MAPK10: variants seen among roughly 807,000 people sequenced by gnomAD.
MAPK10 encodes JNK3 alpha protein kinase.
Under a neutral mutation model 59.3 loss-of-function variants are expected in MAPK10, and 25 were observed. That is an observed-to-expected ratio of 0.42 (90% CI 0.31 to 0.59). MAPK10 has a LOEUF of 0.59. Ranked by LOEUF, MAPK10 falls within the 20% of genes least tolerant of loss-of-function variation. The pLI is 0.15. For missense variants in MAPK10, 351 were observed against 568.9 expected (o/e 0.62, Z 3.90); for synonymous variants, 190 against 200.5 (o/e 0.95, Z 0.44).
intron 1 of MAPK10, among the ~76,000 whole-genome samples, chr4:86,421,245 C>T (rs1746505399): frequency 6.6e-6 from 1 of 152,094 alleles, no homozygotes; most frequent in East Asian, 1.9e-4. Flanking sequence ...TTTCTTGGTA[C>T]ACTGACTGAC....
intron 1 of MAPK10, among the ~76,000 whole-genome samples, chr4:86,378,172 A>C (rs1323182737): frequency 6.6e-6 from 1 of 152,198 alleles, no homozygotes; most frequent in Non-Finnish European, 1.5e-5. Flanking sequence ...ATGGCTGACA[A>C]CACACTGGGA....
chr4:86,537,086 G>A (rs1315185962), intron 1 of MAPK10, among the ~76,000 whole-genome samples: 1 of 152,216 alleles, frequency 6.6e-6, no homozygotes, highest in Non-Finnish European at 1.5e-5. Flanking sequence ...GTAGGATGAA[G>A]AGGGAATACA....
intron 2 of MAPK10, among the ~76,000 whole-genome samples, chr4:86,219,546 AAAT>A (rs1347262153): frequency 6.6e-6 from 1 of 152,172 alleles, no homozygotes; most frequent in Admixed American, 6.5e-5. Context: ...GGATATTTTA[AAAT>A]AATACTTCTT....
rs183334019 is a variant in MAPK10 at position 86,322,596 on chromosome 4, G to C, written c.-7+31934C>G. On this transcript the variant is annotated intron_variant, in intron 2 of 13. Coordinates refer to ENST00000641462, the MANE Select transcript of MAPK10 (RefSeq NM_138982.4). ...TGGCCAAATTCAATTTCAATTCCAC[G>C]TTTGTTTGTATGACTAAGTGCCCAG... Among the ~76,000 whole-genome samples the C allele has an allele frequency of 3.7e-4, 56 of 152,292 alleles. 1 individual carries two copies. Among genetic ancestry groups the C allele is most frequent in the African/African-American group, 1.3e-3 (55 of 41,570 alleles).
Position 86,012,874 on chromosome 4 carries a change from C to T in MAPK10, c.*4354G>A, listed in dbSNP as rs1402768812. ...TATGCATGTGTGTGTGCTTTAAGTC[C>T]ATTTTATAAACACTGACACAAGACA... On this transcript the variant is annotated 3_prime_UTR_variant, in exon 14 of 14. Transcript: ENST00000641462. 1 of 152,110 alleles carries T rather than the reference C, an allele frequency of 6.6e-6. No individual in the cohort carries two copies. Among genetic ancestry groups the T allele is most frequent in the Non-Finnish European group, 1.5e-5 (1 of 68,026 alleles). The allele number at this position is 152,110 out of a possible 1,614,324, so 9.4% of individuals were successfully genotyped here. A position where few individuals can be genotyped will look rare whatever the true frequency, so the allele number is the denominator to read the frequency against.
intron 2 of MAPK10, among the ~76,000 whole-genome samples, chr4:86,293,043 A>G: frequency 6.6e-6 from 1 of 152,216 alleles, no homozygotes. Context: ...CACATCTACA[A>G]ATACAACTAT....
chr4:86,541,932 C>A (rs1411787561), intron 1 of MAPK10, among the ~76,000 whole-genome samples: 1 of 144,668 alleles, frequency 6.9e-6, no homozygotes, highest in African/African-American at 2.6e-5. Context: ...TTTGTAAATG[C>A]ACATGAATAC....
At chr4:86,558,998 T>C (rs1048498703) in intron 1 of MAPK10, among the ~76,000 whole-genome samples, 2 of 152,270 alleles carry the variant, frequency 1.3e-5, no homozygotes, top group South Asian at 2.1e-4. Context: ...CTTGTGTTCT[T>C]TGTGAACTGA....
At chr4:86,184,735 C>T (rs1262874682) in intron 3 of MAPK10, among the ~76,000 whole-genome samples, 1 of 151,822 alleles carries the variant, frequency 6.6e-6, no homozygotes, top group Non-Finnish European at 1.5e-5. Flanking sequence ...GATGCCTGCT[C>T]CTCCCTTGCT....
At chr4:86,558,934 G>T (rs753617908) in intron 1 of MAPK10, among the ~76,000 whole-genome samples, 59 of 151,932 alleles carry the variant, frequency 3.9e-4, no homozygotes, top group Non-Finnish European at 7.2e-4. Flanking sequence ...AAATCTTGAT[G>T]GTAATATTAT....
intron 1 of MAPK10, among the ~76,000 whole-genome samples, chr4:86,551,596 GTCTCTCTT>G (rs1343731866): frequency 7.8e-6 from 1 of 128,582 alleles, no homozygotes; most frequent in Non-Finnish European, 1.7e-5. Flanking sequence ...CTCTCTCTCT[GTCTCTCTT>G]TCTCTCTTTC....
At chr4:86,088,138 T>C (rs2052327136) in intron 9 of MAPK10, among the ~76,000 whole-genome samples, 1 of 152,124 alleles carries the variant, frequency 6.6e-6, no homozygotes. Flanking sequence ...ACACTATTCA[T>C]ATCTATTTAA....
At chr4:86,558,166 A>T (rs1760409680) in intron 1 of MAPK10, among the ~76,000 whole-genome samples, 4 of 152,182 alleles carry the variant, frequency 2.6e-5, no homozygotes, top group Non-Finnish European at 4.4e-5. Flanking sequence ...CTCTTCTATT[A>T]GCCCAGGCTG....
intron 9 of MAPK10, among the ~76,000 whole-genome samples, chr4:86,085,742 G>A (rs941194752): frequency 6.6e-6 from 1 of 152,104 alleles, no homozygotes; most frequent in Admixed American, 6.6e-5. Context: ...CCACTGCTGG[G>A]TATATAAACA....
intron 1 of MAPK10, among the ~76,000 whole-genome samples, chr4:86,492,186 G>C (rs1754506154): frequency 6.6e-6 from 1 of 152,086 alleles, no homozygotes; most frequent in African/African-American, 2.4e-5. Context: ...TCAGATTCAA[G>C]GTGCAATGCT....
chr4:86,181,239 A>C (rs1196398918), intron 3 of MAPK10, among the ~76,000 whole-genome samples: 2 of 152,122 alleles, frequency 1.3e-5, no homozygotes, highest in African/African-American at 4.8e-5. Flanking sequence ...GGTAAAATCA[A>C]TAATCAATCA....
intron 1 of MAPK10, among the ~76,000 whole-genome samples, chr4:86,365,523 G>A (rs1265849986): frequency 7.1e-6 from 1 of 140,190 alleles, no homozygotes; most frequent in Non-Finnish European, 1.5e-5. Flanking sequence ...TATCTCCCCT[G>A]AAAGTTCCTT....
At chr4:86,136,109 C>T (rs2062015635) in intron 4 of MAPK10, among the ~76,000 whole-genome samples, 3 of 152,306 alleles carry the variant, frequency 2.0e-5, no homozygotes, top group Non-Finnish European at 1.5e-5. Flanking sequence ...GGAAAACACT[C>T]TGCAGGATAT....
At chr4:86,370,199 T>C (rs947258844) in intron 1 of MAPK10, among the ~76,000 whole-genome samples, 1 of 152,184 alleles carries the variant, frequency 6.6e-6, no homozygotes, top group African/African-American at 2.4e-5. Context: ...TTTGGAGGTG[T>C]TGAAGCAGCA....
Sources: allele counts gnomAD v4.1 joint callset (sites outside exome capture counted in the v4.1 genomes callset), GRCh38; gene constraint gnomAD v4.1.1; transcripts MANE v1.5; gene names NCBI Gene and HGNC (gene_info 2026-07-23, HGNC 2026-07-21).